The following ZDHHC20 variants were observed in gnomAD, a reference collection of about 807,000 sequenced individuals.
The protein encoded by ZDHHC20 is palmitoyltransferase ZDHHC20.
Under a neutral mutation model 57.8 loss-of-function variants are expected in ZDHHC20, and 43 were observed. That is an observed-to-expected ratio of 0.74 (90% confidence interval 0.58 to 0.96). The LOEUF is 0.96. Among genes scored for constraint, ZDHHC20 ranks in the 40% least tolerant of loss-of-function variants. The probability of loss-of-function intolerance (pLI) is 0.00; values close to 1 mark genes in which losing one functional copy is unlikely to be tolerated. For synonymous variants in ZDHHC20, 157 were observed against 153.0 expected, an observed-to-expected ratio of 1.03 and a Z score of -0.19; for missense variants, 391 against 441.1, an observed-to-expected ratio of 0.89 and a Z score of 1.02.
chr13:21,387,691 G>C, intron 8 of ZDHHC20, 57 bp from the exon 9 acceptor site: 1 of 1,137,110 alleles, frequency 8.8e-7, no homozygotes. Flanking sequence ...TTATAGGAGG[G>C]ATGGAAATTA....
At chr13:21,430,851 C>T (rs949079087) in intron 1 of ZDHHC20, among the ~76,000 whole-genome samples, 40 of 152,068 alleles carry the variant, frequency 2.6e-4, no homozygotes, top group African/African-American at 9.4e-4. Context: ...CTTCTTGATA[C>T]CTTTCAGAGT....
intron 3 of ZDHHC20, among the ~76,000 whole-genome samples, chr13:21,414,084 T>C (rs963337176): frequency 1.3e-5 from 2 of 152,122 alleles, no homozygotes; most frequent in Admixed American, 6.5e-5. Context: ...TTAGTAAAAA[T>C]TTTAGTTGTT....
intron 1 of ZDHHC20, among the ~76,000 whole-genome samples, chr13:21,442,790 C>A (rs1200250972): frequency 6.6e-6 from 1 of 151,692 alleles, no homozygotes; most frequent in Non-Finnish European, 1.5e-5. Context: ...CTTGCAGTTT[C>A]TTTTATTCAG....
intron 2 of ZDHHC20, among the ~76,000 whole-genome samples, chr13:21,423,427 G>C (rs113487254): frequency 0.018 from 2,711 of 152,222 alleles, 74 homozygotes; most frequent in African/African-American, 0.062. Context: ...TGTATTCCCA[G>C]CACTTTGGGA....
intron 4 of ZDHHC20, among the ~76,000 whole-genome samples, chr13:21,410,751 T>C (rs1405764350): frequency 6.6e-6 from 1 of 152,222 alleles, no homozygotes. Context: ...CAGACTGCTG[T>C]GCTGGCAGCA....
chr13:21,384,445 A>G (rs2137668134), intron 9 of ZDHHC20, among the ~76,000 whole-genome samples: 1 of 121,892 alleles, frequency 8.2e-6, no homozygotes. Context: ...TTTGAGACAG[A>G]GACTCTATCT....
At chr13:21,425,568 A>G in intron 2 of ZDHHC20, 84 bp downstream of exon 2, 2 of 983,908 alleles carry the variant, frequency 2.0e-6, no homozygotes, top group Non-Finnish European at 2.8e-6. Flanking sequence ...ACAAAAACAC[A>G]TGCATTCATC....
chr13:21,383,055 T>G, intron 9 of ZDHHC20, 46 bp from the exon 10 acceptor site: 1 of 1,475,066 alleles, frequency 6.8e-7, no homozygotes, highest in South Asian at 1.2e-5. Flanking sequence ...TTAAGTTAAA[T>G]CAAAATGGTC....
At chr13:21,432,275 C>G (rs1329183884) in intron 1 of ZDHHC20, among the ~76,000 whole-genome samples, 2 of 151,916 alleles carry the variant, frequency 1.3e-5, no homozygotes, top group African/African-American at 4.8e-5. Context: ...AGCCATTTTC[C>G]TGCCTCAGCC....
intron 2 of ZDHHC20, among the ~76,000 whole-genome samples, chr13:21,423,879 T>C (rs1208888087): frequency 6.6e-6 from 1 of 151,986 alleles, no homozygotes; most frequent in Non-Finnish European, 1.5e-5. Context: ...AGACCCCATA[T>C]TAAATCAGGC....
At chr13:21,428,076 G>A (rs945808775) in intron 1 of ZDHHC20, among the ~76,000 whole-genome samples, 12 of 151,982 alleles carry the variant, frequency 7.9e-5, no homozygotes, top group Admixed American at 6.6e-5. Flanking sequence ...AACAGTGTAC[G>A]GCATGGAACA....
Position 21,387,593 on chromosome 13 carries a change from T to G in ZDHHC20, c.769A>C (p.Asn257His). ...TTACTGCATCCAAGAGAGAAACCAT[T>G]TCCATCAGGTCCGTATGAAAACGTG... is the stretch of plus-strand genomic sequence containing the variant. ...APTFSYGPDG[N>H]GFSLGCSKNW... is the part of the protein sequence containing the mutation. The change falls in exon 9 of 13, where the codon AAT (asparagine) becomes CAT (histidine). Residue 257 changes from asparagine (N) to histidine (H), a missense_variant. Asn to His is a moderately conservative substitution (Grantham distance 68, BLOSUM62 1). Transcript: ENST00000400590. The G allele has an allele frequency of 4.6e-6, 7 of 1,512,652 alleles. No homozygotes were observed. Among genetic ancestry groups the G allele is most frequent in the Non-Finnish European group, 6.2e-6 (7 of 1,126,610 alleles). The allele number at this position is 1,512,652 out of a possible 1,614,324, so 93.7% of individuals were successfully genotyped here.
chr13:21,413,552 C>A, intron 4 of ZDHHC20, 100 bp downstream of exon 4: 2 of 1,083,856 alleles, frequency 1.8e-6, no homozygotes, highest in Non-Finnish European at 1.2e-6. Flanking sequence ...TTATGGCAAT[C>A]ATAGTATCCA....
At chr13:21,400,965 T>C (rs1328924962) in intron 6 of ZDHHC20, among the ~76,000 whole-genome samples, 1 of 151,958 alleles carries the variant, frequency 6.6e-6, no homozygotes, top group Non-Finnish European at 1.5e-5. Flanking sequence ...TTTAAAACAA[T>C]TAAAACATAA....
At position 21,459,071 on chromosome 13, in the gene ZDHHC20, A is replaced by C. The variant is rs1885175034; in HGVS notation, c.101T>G (p.Val34Gly). 5 of 1,603,838 alleles carry C rather than the reference A, an allele frequency of 3.1e-6. No individual in the cohort carries two copies. Among genetic ancestry groups the C allele is most frequent in the Non-Finnish European group, 3.4e-6 (4 of 1,176,050 alleles). ...GTACTCACACACGCAGAGCTCCACC[A>C]CGTACGCGTAGTAGGACCAGACGAC... Reference protein sequence around the residue: ...FVVVWSYYAYVVELCVFTIFG... With the variant: ...FVVVWSYYAYGVELCVFTIFG... The change falls in exon 1 of 13, where the codon GTG (valine) becomes GGG (glycine). Residue 34 changes from valine (V) to glycine (G), a missense_variant. This residue lies in a region of ZDHHC20 where 185 missense variants were observed against 188.0 expected (regional missense o/e 0.98). Transcript: ENST00000400590.
At position 21,411,723 on chromosome 13, in the gene ZDHHC20, G is replaced by A. The variant is rs190106414; in HGVS notation, c.370+1929C>T. On this transcript the variant is annotated intron_variant, in intron 4 of 12. Coordinates refer to ENST00000400590, the MANE Select transcript of ZDHHC20 (RefSeq NM_001330059.2). ...CAATCAAAGGAAATCTGAGTTTCTA[G>A]GGTAGCTAGAAGAATGACGGTGCCA... Among the ~76,000 whole-genome samples, 256 of 152,324 alleles carry A rather than the reference G, an allele frequency of 1.7e-3. 1 individual carries two copies. The highest frequency in any genetic ancestry group is 5.9e-3 in the African/African-American group (246 of 41,572).
At chr13:21,388,568 T>C (rs1272669643) in intron 8 of ZDHHC20, among the ~76,000 whole-genome samples, 1 of 152,152 alleles carries the variant, frequency 6.6e-6, no homozygotes, top group Admixed American at 6.5e-5. Flanking sequence ...CTCCTTCTAA[T>C]TTTTCTACTA....
intron 9 of ZDHHC20, among the ~76,000 whole-genome samples, chr13:21,385,672 G>A (rs1242018489): frequency 2.0e-5 from 3 of 152,142 alleles, no homozygotes; most frequent in Non-Finnish European, 4.4e-5. Context: ...CAGGGAGGAG[G>A]TGGAAAGAGG....
intron 1 of ZDHHC20, among the ~76,000 whole-genome samples, chr13:21,450,953 T>C (rs910179315): frequency 2.0e-5 from 3 of 152,138 alleles, no homozygotes; most frequent in African/African-American, 7.2e-5. Context: ...AGGGTATTGC[T>C]ATGTTGCCCA....
Sources: allele counts gnomAD v4.1 joint callset (sites outside exome capture counted in the v4.1 genomes callset), GRCh38; gene constraint gnomAD v4.1.1; regional missense constraint gnomAD v4.1.1; transcripts MANE v1.5; gene names NCBI Gene and HGNC (gene_info 2026-07-23, HGNC 2026-07-21).